CMTM4: variants seen among roughly 807,000 people sequenced by gnomAD.
CMTM4 encodes the protein CKLF-like MARVEL transmembrane domain-containing protein 4.
Under a neutral mutation model 19.0 loss-of-function variants are expected in CMTM4, and 8 were observed. The ratio of observed to expected loss-of-function variants is 0.42; its 90% CI spans 0.25 to 0.76. CMTM4 has a LOEUF of 0.76. Ranked by LOEUF, CMTM4 falls within the 30% of genes least tolerant of loss-of-function variation. The pLI is 0.27. For missense variants in CMTM4, 228 were observed against 290.2 expected, an observed-to-expected ratio of 0.79 and a Z score of 1.56; for synonymous variants, 106 against 121.1, an observed-to-expected ratio of 0.88 and a Z score of 0.82.
At chr16:66,681,385 T>C (rs1275989720) in intron 1 of CMTM4, among the ~76,000 whole-genome samples, 1 of 152,004 alleles carries the variant, frequency 6.6e-6, no homozygotes, top group Non-Finnish European at 1.5e-5. Context: ...GGCCTGATCT[T>C]GGCTCACTGC....
chr16:66,611,851 G>A (rs1447093541), downstream of CMTM4, among the ~76,000 whole-genome samples: 1 of 151,936 alleles, frequency 6.6e-6, no homozygotes, highest in African/African-American at 2.4e-5. Context: ...TGGGGGAGGG[G>A]GATTGAAGAT....
downstream of CMTM4, among the ~76,000 whole-genome samples, chr16:66,614,558 A>G (rs2015489887): frequency 6.6e-6 from 1 of 152,190 alleles, no homozygotes; most frequent in Non-Finnish European, 1.5e-5. This position sits in a 1 kb window ranked among gnomAD's most constrained non-coding sequence, Gnocchi z 4.9. Flanking sequence ...AGGAGTGGAG[A>G]GGCCCCTGGT....
At chr16:66,636,764 G>A (rs1400839985) in intron 1 of CMTM4, among the ~76,000 whole-genome samples, 183 bp from the exon 2 acceptor site, 1 of 152,170 alleles carries the variant, frequency 6.6e-6, no homozygotes. Context: ...AATAGGTGCA[G>A]GGGTCTTAAT....
At chr16:66,604,996 G>C in the CMTM4 span, 2 of 1,414,766 alleles carry the variant, frequency 1.4e-6, no homozygotes, top group Non-Finnish European at 1.8e-6. Context: ...GGACTGCGCG[G>C]CTCCTTTCGG....
chr16:66,638,086 G>A (rs2016030573), intron 1 of CMTM4, among the ~76,000 whole-genome samples: 1 of 152,126 alleles, frequency 6.6e-6, no homozygotes, highest in East Asian at 1.9e-4. Context: ...TCCTCCCCAT[G>A]TCTTCCCTGA....
the CMTM4 span, among the ~76,000 whole-genome samples, chr16:66,606,289 G>T: frequency 4.6e-5 from 7 of 152,100 alleles, no homozygotes; most frequent in Non-Finnish European, 1.0e-4. Context: ...ATCGCGGGAT[G>T]AAAAAACAGG....
intron 1 of CMTM4, among the ~76,000 whole-genome samples, chr16:66,650,024 AG>A (rs2016281491): frequency 6.6e-6 from 1 of 152,166 alleles, no homozygotes; most frequent in African/African-American, 2.4e-5. Context: ...CTCGGTGCCC[AG>A]GGAGGTATCG....
intron 1 of CMTM4, among the ~76,000 whole-genome samples, chr16:66,667,007 T>C (rs1056194775): frequency 6.6e-6 from 1 of 152,190 alleles, no homozygotes; most frequent in African/African-American, 2.4e-5. Flanking sequence ...GTAACAAACC[T>C]GCACATGTAC....
At chr16:66,630,329 CT>C (rs2015827876) in intron 2 of CMTM4, among the ~76,000 whole-genome samples, 2 of 108,974 alleles carry the variant, frequency 1.8e-5, no homozygotes, top group Non-Finnish European at 3.8e-5. Context: ...TCCCCCCTCC[CT>C]CTCCCTCTCC....
At chr16:66,608,161 G>C in the CMTM4 span, 1 of 802,644 alleles carries the variant, frequency 1.2e-6, no homozygotes, top group Non-Finnish European at 2.0e-6. This position sits in a 1 kb window ranked among gnomAD's most constrained non-coding sequence, Gnocchi z 5.1. Context: ...TTCTAATCTG[G>C]CTCTGCCACT....
In CMTM4 at chr16:66,696,353, T is replaced by A; in HGVS notation, c.173A>T (p.Lys58Met). Reference protein sequence around the residue: ...DYLRGALGRLKVAQVILALIA... With the variant: ...DYLRGALGRLMVAQVILALIA... ...CCCGGCACCTACCACTTGGGCGACC[T>A]TGAGGCGGCCGAGCGCGCCGCGCAG... The change falls in exon 1 of 4, where the codon AAG becomes ATG. Residue 58 changes from lysine (K) to methionine (M), a missense_variant. Around this residue, in one of 3 missense-constraint regions of CMTM4, gnomAD observed 200 missense variants for 226.6 expected, o/e 0.88. Coordinates refer to ENST00000394106, the MANE Select transcript of CMTM4 (RefSeq NM_181521.3). The surrounding 1 kb of genome is among the most constrained non-coding windows in gnomAD (Gnocchi z 4.3). 7.1e-7 allele frequency: 1 copy of A among 1,415,762 alleles called. No homozygotes were observed. Among genetic ancestry groups the A allele is most frequent in the South Asian group, 1.4e-5 (1 of 71,678 alleles). The allele number at this position is 1,415,762 out of a possible 1,614,324, so 87.7% of individuals were successfully genotyped here. A position where few individuals can be genotyped will look rare whatever the true frequency, so the allele number is the denominator to read the frequency against.
chr16:66,626,517 A>G (rs1263295016), intron 2 of CMTM4, among the ~76,000 whole-genome samples: 1 of 152,186 alleles, frequency 6.6e-6, no homozygotes, highest in Admixed American at 6.5e-5. Context: ...GAGGCAAGAG[A>G]ATCGCTAGAG....
chr16:66,599,325 T>C, the CMTM4 span, among the ~76,000 whole-genome samples: 1 of 151,786 alleles, frequency 6.6e-6, no homozygotes. Context: ...AGAAAAAATA[T>C]AAGGGGACCT....
At chr16:66,602,553 TCATA>T in the CMTM4 span, among the ~76,000 whole-genome samples, 5 of 151,980 alleles carry the variant, frequency 3.3e-5, no homozygotes, top group African/African-American at 1.2e-4. Flanking sequence ...CTTTTTTCTT[TCATA>T]CAGAGTCTCA....
At chr16:66,647,167 A>T (rs1039036756) in intron 1 of CMTM4, among the ~76,000 whole-genome samples, 3 of 146,804 alleles carry the variant, frequency 2.0e-5, no homozygotes, top group African/African-American at 7.5e-5. Flanking sequence ...AAAAAAAAAT[A>T]CAAAAAAGTA....
At chr16:66,671,409 C>T (rs1020735589) in intron 1 of CMTM4, among the ~76,000 whole-genome samples, 1 of 152,178 alleles carries the variant, frequency 6.6e-6, no homozygotes, top group Non-Finnish European at 1.5e-5. Context: ...CCAGGGGAGA[C>T]AGAAAATTTG....
intron 1 of CMTM4, among the ~76,000 whole-genome samples, chr16:66,688,951 C>T (rs1384102468): frequency 2.0e-5 from 3 of 152,136 alleles, no homozygotes; most frequent in African/African-American, 7.2e-5. Context: ...TGATTTATTG[C>T]TAGGATATAA....
Position 66,639,478 on chromosome 16 carries a change from A to T in CMTM4, c.187-2897T>A, listed in dbSNP as rs555121483. On this transcript the variant is annotated intron_variant, in intron 1 of 3. Coordinates refer to ENST00000394106, the MANE Select transcript of CMTM4 (RefSeq NM_181521.3). ...TCTAATAAAGGAGTTGTTTTTTTTT[A>T]AATTACATTTAAAAAGAGTGAGTTA... Among the ~76,000 whole-genome samples, 322 of 152,144 alleles carry T rather than the reference A, an allele frequency of 2.1e-3. 2 individuals are homozygous for T. Among genetic ancestry groups the T allele is most frequent in the African/African-American group, 7.5e-3 (312 of 41,522 alleles).
rs2017245013 is a variant in CMTM4 at position 66,696,659 on chromosome 16, GCCGCCGCCTCTCGC to G, written c.-148_-135del. 2.8e-6 allele frequency: 1 copy of G among 357,978 alleles called. No homozygotes were observed. The highest frequency in any genetic ancestry group is 3.9e-6 in the Non-Finnish European group (1 of 258,720). 22.2% of individuals were successfully genotyped at this position (357,978 alleles called of 1,614,324 possible). The stretch of plus-strand genomic sequence containing the variant: ...ACTGACTGCCCGCGGCCCGCCCGCC[GCCGCCGCCTCTCGC>G]CCGCCGCCCGGCTGCGGCTGCGGCT... On this transcript the variant is annotated 5_prime_UTR_variant, in exon 1 of 4. Transcript: ENST00000394106. The surrounding 1 kb of genome is among the most constrained non-coding windows in gnomAD (Gnocchi z 4.3).
Sources: gnomAD v4.1 joint callset for allele counts (sites outside exome capture counted in the v4.1 genomes callset) on GRCh38, gnomAD v4.1.1 for gene constraint, gnomAD v4.1.1 regional missense constraint, Gnocchi (gnomAD v3.1) non-coding constraint, MANE v1.5 for transcripts, NCBI Gene and HGNC (gene_info 2026-07-23, HGNC 2026-07-21) for gene names.